The following CSMD1 variants were observed in gnomAD, a reference collection of about 807,000 sequenced individuals.
CSMD1 encodes the protein CUB and Sushi multiple domains 1.
CSMD1 carries 213 observed loss-of-function variants against 417.5 expected under a neutral mutation model. The observed-to-expected ratio is 0.51, with a 90% CI of 0.46 to 0.57. The LOEUF is 0.57. Ranked by LOEUF, CSMD1 falls within the 20% of genes least tolerant of loss-of-function variation. CSMD1 has a pLI of 0.00. For missense variants in CSMD1, 6,923 were observed against 4,529.7 expected (o/e 1.53, Z -15.17); for synonymous variants, 2,862 against 1,736.8 (o/e 1.65, Z -16.11).
intron 5 of CSMD1, among the ~76,000 whole-genome samples, chr8:3,829,175 C>A (rs4437680): frequency 0.51 from 77,441 of 151,796 alleles, 20,602 homozygotes; most frequent in Middle Eastern, 0.66. Context: ...TTATCCCTCG[C>A]CCTCCTTTCA....
intron 3 of CSMD1, among the ~76,000 whole-genome samples, chr8:4,383,288 G>C (rs1487479500): frequency 6.6e-6 from 1 of 152,166 alleles, no homozygotes; most frequent in East Asian, 1.9e-4. Flanking sequence ...CCAAGGGCAA[G>C]ATAAGAATGT....
chr8:4,884,392 C>T (rs531829815), intron 1 of CSMD1, among the ~76,000 whole-genome samples: 16 of 152,090 alleles, frequency 1.1e-4, no homozygotes, highest in Non-Finnish European at 2.4e-4. Flanking sequence ...AGTCCAATAT[C>T]TATATGTATT....
intron 1 of CSMD1, among the ~76,000 whole-genome samples, chr8:4,940,951 G>A (rs1233764027): frequency 6.6e-6 from 1 of 152,128 alleles, no homozygotes; most frequent in African/African-American, 2.4e-5. Flanking sequence ...ACAGTTCTTA[G>A]ATCTAGATGG....
At chr8:3,739,317 G>T (rs1474020630) in intron 6 of CSMD1, among the ~76,000 whole-genome samples, 1 of 152,194 alleles carries the variant, frequency 6.6e-6, no homozygotes, top group African/African-American at 2.4e-5. Context: ...TAGACAGGAT[G>T]AATCTGTTCT....
At chr8:4,772,247 C>T (rs1312069255) in intron 1 of CSMD1, among the ~76,000 whole-genome samples, 2 of 152,300 alleles carry the variant, frequency 1.3e-5, no homozygotes, top group African/African-American at 4.8e-5. Flanking sequence ...TCCTCACACT[C>T]CTCTATCCTA....
chr8:4,897,106 G>A (rs530247309), intron 1 of CSMD1, among the ~76,000 whole-genome samples: 2 of 152,058 alleles, frequency 1.3e-5, no homozygotes, highest in East Asian at 3.9e-4. Context: ...GCTTGACTTT[G>A]GGTATTTTAT....
At chr8:3,416,194 C>T (rs1050146640) in intron 12 of CSMD1, among the ~76,000 whole-genome samples, 4 of 147,352 alleles carry the variant, frequency 2.7e-5, no homozygotes, top group Middle Eastern at 3.7e-3. Flanking sequence ...CCCAGCTACT[C>T]GGGAGGCTGA....
chr8:3,266,398 G>C (rs1801434976), intron 26 of CSMD1, among the ~76,000 whole-genome samples: 2 of 151,696 alleles, frequency 1.3e-5, no homozygotes, highest in Non-Finnish European at 2.9e-5. Flanking sequence ...CTGAGACTAG[G>C]AGATTGAGAC....
At chr8:3,477,732 T>C (rs1817513231) in intron 11 of CSMD1, among the ~76,000 whole-genome samples, 1 of 152,174 alleles carries the variant, frequency 6.6e-6, no homozygotes, top group African/African-American at 2.4e-5. Flanking sequence ...TTTGCACTCT[T>C]GGGTCTCTCA....
At chr8:4,184,908 T>C (rs1187401046) in intron 3 of CSMD1, among the ~76,000 whole-genome samples, 1 of 149,462 alleles carries the variant, frequency 6.7e-6, no homozygotes, top group Non-Finnish European at 1.5e-5. Context: ...GACCAGCCTC[T>C]GGGTGGATCA....
intron 3 of CSMD1, among the ~76,000 whole-genome samples, chr8:4,135,699 T>G (rs184597119): frequency 6.6e-6 from 1 of 152,298 alleles, no homozygotes; most frequent in Admixed American, 6.5e-5. Context: ...GTCAGGATAT[T>G]ATTATTGTAA....
chr8:3,554,268 G>A (rs886651895), intron 10 of CSMD1, among the ~76,000 whole-genome samples: 1 of 152,234 alleles, frequency 6.6e-6, no homozygotes, highest in Non-Finnish European at 1.5e-5. Context: ...AACACATTTG[G>A]AAGTGGTAGG....
chr8:3,945,943 T>C (rs1211743730), intron 5 of CSMD1, among the ~76,000 whole-genome samples: 1 of 152,126 alleles, frequency 6.6e-6, no homozygotes, highest in Non-Finnish European at 1.5e-5. Flanking sequence ...ATGATTATTA[T>C]TACTAATAAC....
intron 12 of CSMD1, among the ~76,000 whole-genome samples, chr8:3,416,939 C>T (rs1563367501): frequency 6.6e-6 from 1 of 152,128 alleles, no homozygotes; most frequent in Non-Finnish European, 1.5e-5. Flanking sequence ...TTAGGTTCAC[C>T]CATAGTCATG....
Position 4,283,677 on chromosome 8 carries a change from C to A in CSMD1, c.415+136276G>T, listed in dbSNP as rs558804812. Among the ~76,000 whole-genome samples, 256 of 152,286 alleles carry A rather than the reference C, an allele frequency of 1.7e-3. 1 individual carries two copies. Among genetic ancestry groups the A allele is most frequent in the Middle Eastern group, 3.4e-3 (1 of 294 alleles). ...CCAACAGACACACCTCAGTTTTCCA[C>A]ATTCACTTAGGTTTTTGAGAAGCAC... On this transcript the variant is annotated intron_variant, in intron 3 of 69. Coordinates refer to ENST00000635120, the MANE Select transcript of CSMD1 (RefSeq NM_033225.6).
intron 3 of CSMD1, among the ~76,000 whole-genome samples, chr8:4,034,787 C>G (rs1225462344): frequency 2.0e-5 from 3 of 152,146 alleles, no homozygotes; most frequent in Non-Finnish European, 4.4e-5. Context: ...TTATTAACTG[C>G]TACTGCTAAT....
intron 1 of CSMD1, among the ~76,000 whole-genome samples, chr8:4,736,345 A>T (rs971816416): frequency 6.6e-6 from 1 of 152,220 alleles, no homozygotes; most frequent in African/African-American, 2.4e-5. Context: ...TTCAGATAAT[A>T]AGGAGATCAC....
intron 5 of CSMD1, among the ~76,000 whole-genome samples, chr8:3,803,366 G>T (rs946222263): frequency 6.6e-6 from 1 of 152,166 alleles, no homozygotes; most frequent in Non-Finnish European, 1.5e-5. Context: ...GACTTGAATG[G>T]TAAGCTGATC....
At chr8:4,021,733 A>C in intron 4 of CSMD1, among the ~76,000 whole-genome samples, 2 of 152,002 alleles carry the variant, frequency 1.3e-5, no homozygotes, top group African/African-American at 2.4e-5. Flanking sequence ...ATATCCCTTT[A>C]CCTATCCCCG....
Sources: gnomAD v4.1 joint callset for allele counts (sites outside exome capture counted in the v4.1 genomes callset) on GRCh38, gnomAD v4.1.1 for gene constraint, MANE v1.5 for transcripts, NCBI Gene and HGNC (gene_info 2026-07-23, HGNC 2026-07-21) for gene names.